The following DLC1 variants were observed in gnomAD, a reference collection of about 807,000 sequenced individuals.
DLC1 encodes the protein DLC1 Rho GTPase activating protein, also known as rho GTPase-activating protein 7.
A neutral mutation model predicts 140.3 loss-of-function variants in DLC1; 54 were observed. The observed-to-expected ratio is 0.38, with a 90% CI of 0.31 to 0.48. DLC1 has a LOEUF of 0.48. Ranked by LOEUF, DLC1 falls within the 20% of genes least tolerant of loss-of-function variation. The pLI, the probability that DLC1 is intolerant of heterozygous loss-of-function variation, is 0.96. For synonymous variants in DLC1, 986 were observed against 728.1 expected (o/e 1.35, Z -5.70); for missense variants, 2,536 against 1,907.0 (o/e 1.33, Z -6.14).
At chr8:13,431,967 G>A (rs1290316704) in intron 2 of DLC1, among the ~76,000 whole-genome samples, 2 of 152,198 alleles carry the variant, frequency 1.3e-5, no homozygotes, top group Non-Finnish European at 2.9e-5. Context: ...AAATTCATAT[G>A]TGACATTTTA....
intron 5 of DLC1, among the ~76,000 whole-genome samples, chr8:13,303,109 G>C (rs984632637): frequency 2.6e-5 from 4 of 152,016 alleles, no homozygotes; most frequent in African/African-American, 9.7e-5. Flanking sequence ...TTTCTTAAAT[G>C]ATCAAATGAA....
intron 7 of DLC1, among the ~76,000 whole-genome samples, chr8:13,107,375 C>T (rs1179057103): frequency 6.6e-6 from 1 of 152,140 alleles, no homozygotes; most frequent in Non-Finnish European, 1.5e-5. Context: ...AGAGTAAATA[C>T]GAGATCACTT....
At chr8:13,548,678 C>T (rs555423871) in intron 1 of DLC1, among the ~76,000 whole-genome samples, 13 of 152,084 alleles carry the variant, frequency 8.5e-5, no homozygotes, top group African/African-American at 2.9e-4. Flanking sequence ...ATTTAATTGA[C>T]ATCGTAACTT....
At chr8:13,225,972 G>C (rs1346972955) in intron 5 of DLC1, among the ~76,000 whole-genome samples, 1 of 152,068 alleles carries the variant, frequency 6.6e-6, no homozygotes, top group Non-Finnish European at 1.5e-5. Context: ...GACTGCAGTG[G>C]TGCAATCATG....
At chr8:13,140,137 C>T (rs1822868370) in intron 5 of DLC1, among the ~76,000 whole-genome samples, 1 of 152,172 alleles carries the variant, frequency 6.6e-6, no homozygotes, top group Non-Finnish European at 1.5e-5. Context: ...GTCCTATAGG[C>T]AGAATCATAC....
intron 4 of DLC1, among the ~76,000 whole-genome samples, chr8:13,318,234 A>G (rs1028179956): frequency 2.0e-5 from 3 of 148,724 alleles, no homozygotes; most frequent in East Asian, 2.0e-4. Flanking sequence ...GAGTCTTGCT[A>G]TATTTTCCAG....
chr8:13,453,516 A>G (rs1300564731), intron 2 of DLC1, among the ~76,000 whole-genome samples: 1 of 24,120 alleles, frequency 4.1e-5, no homozygotes, highest in African/African-American at 1.6e-4. Context: ...ATATATATAC[A>G]TATATATATA....
At chr8:13,570,644 C>T in intron 1 of DLC1, among the ~76,000 whole-genome samples, 1 of 151,296 alleles carries the variant, frequency 6.6e-6, no homozygotes, top group Non-Finnish European at 1.5e-5. Flanking sequence ...TTTATGGCTG[C>T]ATAGTATTCC....
intron 1 of DLC1, among the ~76,000 whole-genome samples, chr8:13,593,917 C>G (rs983777655): frequency 6.6e-6 from 1 of 151,974 alleles, no homozygotes; most frequent in Non-Finnish European, 1.5e-5. Context: ...AAAGCACAGG[C>G]CAAGAAAATG....
At chr8:13,226,749 C>A (rs185395367) in intron 5 of DLC1, among the ~76,000 whole-genome samples, 34 of 152,278 alleles carry the variant, frequency 2.2e-4, no homozygotes, top group African/African-American at 5.1e-4. Context: ...AGAGGCTACC[C>A]TGACTTGCTG....
intron 3 of DLC1, among the ~76,000 whole-genome samples, chr8:13,395,205 C>A (rs1196588001): frequency 6.6e-6 from 1 of 151,680 alleles, no homozygotes; most frequent in Non-Finnish European, 1.5e-5. Flanking sequence ...ACTGCAGCCT[C>A]CACCTCCTGA....
At chr8:13,537,088 C>A (rs1236963398) in intron 1 of DLC1, among the ~76,000 whole-genome samples, 1 of 151,424 alleles carries the variant, frequency 6.6e-6, no homozygotes, top group African/African-American at 2.4e-5. Context: ...TGTCTTTAAG[C>A]ACATTAAATA....
chr8:13,434,725 C>A (rs1839038759), intron 2 of DLC1, among the ~76,000 whole-genome samples: 1 of 152,196 alleles, frequency 6.6e-6, no homozygotes. Context: ...GCTGCCCAGG[C>A]TGGAGTGCAC....
rs1350516639 is a variant in DLC1, at chr8:13,084,295, A to G, written c.*1516T>C. 1 of 152,608 alleles carries G rather than the reference A, an allele frequency of 6.6e-6. No homozygotes were observed. Among genetic ancestry groups the G allele is most frequent in the African/African-American group, 2.4e-5 (1 of 41,458 alleles). 9.5% of individuals were successfully genotyped at this position (152,608 alleles called of 1,614,324 possible). A position where few individuals can be genotyped will look rare whatever the true frequency, so the allele number is the denominator to read the frequency against. On this transcript the variant is annotated 3_prime_UTR_variant, in exon 18 of 18. Coordinates refer to ENST00000276297, the MANE Select transcript of DLC1 (RefSeq NM_182643.3). ...AAAATACTCAAATTTTAAAACTCTA[A>G]TCTGATGCCCTGCCCCAAAATTCTT...
intron 5 of DLC1, among the ~76,000 whole-genome samples, chr8:13,154,528 G>A (rs1200145354): frequency 1.3e-5 from 2 of 152,196 alleles, no homozygotes; most frequent in South Asian, 4.1e-4. Context: ...TCCGGAACTC[G>A]TGCTGGCCCA....
chr8:13,258,437 C>T (rs1415471534), intron 5 of DLC1, among the ~76,000 whole-genome samples: 1 of 152,020 alleles, frequency 6.6e-6, no homozygotes, highest in Middle Eastern at 3.2e-3. Flanking sequence ...AAATAGTTAC[C>T]CATATATATT....
At chr8:13,147,417 C>T (rs1280002289) in intron 5 of DLC1, among the ~76,000 whole-genome samples, 2 of 152,154 alleles carry the variant, frequency 1.3e-5, no homozygotes, top group African/African-American at 4.8e-5. Flanking sequence ...AGCTTGTGTT[C>T]CTTCTCTCAC....
intron 4 of DLC1, among the ~76,000 whole-genome samples, chr8:13,369,281 A>G (rs1835627282): frequency 6.8e-6 from 1 of 147,842 alleles, no homozygotes; most frequent in Non-Finnish European, 1.5e-5. Flanking sequence ...AACTTCTAAT[A>G]GATTCATTCT....
At chr8:13,530,734 G>A (rs925838975) in intron 1 of DLC1, among the ~76,000 whole-genome samples, 1 of 152,128 alleles carries the variant, frequency 6.6e-6, no homozygotes, top group African/African-American at 2.4e-5. Context: ...ATTTTAATAA[G>A]CAAAGGAAGA....
Sources: gnomAD v4.1 joint callset for allele counts (sites outside exome capture counted in the v4.1 genomes callset) on GRCh38, gnomAD v4.1.1 for gene constraint, MANE v1.5 for transcripts, NCBI Gene and HGNC (gene_info 2026-07-23, HGNC 2026-07-21) for gene names.